The following CCDC39 variants were observed in gnomAD, a reference collection of about 807,000 sequenced individuals.
CCDC39 encodes coiled-coil domain-containing protein 39.
CCDC39 carries 113 observed loss-of-function variants against 121.0 expected under a neutral mutation model. The ratio of observed to expected loss-of-function variants is 0.93; its 90% CI spans 0.80 to 1.09. The LOEUF (loss-of-function observed/expected upper bound fraction) is 1.09. CCDC39 is among the 50% of genes least tolerant of loss of function. The pLI is 0.00. For synonymous variants in CCDC39, 349 were observed against 352.2 expected (o/e 0.99, Z 0.10); for missense variants, 1,063 against 1,074.7 (o/e 0.99, Z 0.15).
chr3:180,647,456 A>T (rs995500400), intron 10 of CCDC39, among the ~76,000 whole-genome samples: 6 of 152,122 alleles, frequency 3.9e-5, no homozygotes, highest in Non-Finnish European at 8.8e-5. Flanking sequence ...CATGATAGAC[A>T]CAGAAATAAT....
In CCDC39 at chr3:180,614,797, CAGTTTTTACACTTACCACTA is replaced by C. The variant is rs1717166479; in HGVS notation, c.*104_*123del. The C allele has an allele frequency of 5.4e-6, 4 of 738,634 alleles. No individual in the cohort carries two copies. The highest frequency in any genetic ancestry group is 3.7e-5 in the African/African-American group (2 of 54,098). The allele number at this position is 738,634 out of a possible 1,614,324, so 45.8% of individuals were successfully genotyped here. ...AACGTTCCTTTTTTTTTAAAACTAT[CAGTTTTTACACTTACCACTA>C]AGTTTTTACACTTTCCACTAGATAA... On this transcript the variant is annotated 3_prime_UTR_variant, in exon 20 of 20. Transcript: ENST00000476379.
chr3:180,647,057 A>G, intron 11 of CCDC39, 22 bp downstream of exon 11: 1 of 1,594,660 alleles, frequency 6.3e-7, no homozygotes, highest in Non-Finnish European at 8.5e-7. Context: ...TTGAAATATA[A>G]AATGTATTTT....
intron 12 of CCDC39, among the ~76,000 whole-genome samples, chr3:180,642,408 A>C (rs1161892139): frequency 6.6e-6 from 1 of 151,872 alleles, no homozygotes; most frequent in East Asian, 1.9e-4. Flanking sequence ...CTTTTTCATA[A>C]TTCAATTTTA....
At chr3:180,642,493 C>T (rs566842936) in intron 12 of CCDC39, among the ~76,000 whole-genome samples, 15 of 151,882 alleles carry the variant, frequency 9.9e-5, no homozygotes, top group Non-Finnish European at 1.9e-4. Context: ...ATCCAAAAAA[C>T]ATAAAGCCCT....
chr3:180,673,587 G>A (rs1407684965), intron 1 of CCDC39, among the ~76,000 whole-genome samples: 5 of 152,170 alleles, frequency 3.3e-5, no homozygotes, highest in Non-Finnish European at 1.5e-5. Context: ...ACTTTTACAT[G>A]CACTGTGTGA....
At chr3:180,649,602 G>C (rs1042829769) in intron 9 of CCDC39, among the ~76,000 whole-genome samples, 2 of 152,018 alleles carry the variant, frequency 1.3e-5, no homozygotes, top group Admixed American at 6.5e-5. Flanking sequence ...CCAATGCTTC[G>C]TGGTGAATAA....
chr3:180,628,510 G>A (rs533441579), intron 14 of CCDC39, among the ~76,000 whole-genome samples: 2 of 152,156 alleles, frequency 1.3e-5, no homozygotes, highest in African/African-American at 4.8e-5. Context: ...CCTGGCCTGA[G>A]ACATATATTT....
chr3:180,633,199 C>T (rs1355313083), intron 13 of CCDC39, among the ~76,000 whole-genome samples: 2 of 152,204 alleles, frequency 1.3e-5, no homozygotes, highest in African/African-American at 2.4e-5. Context: ...CAGAGATCCA[C>T]TTAATTGCAG....
intron 15 of CCDC39, 139 bp from the exon 16 acceptor site, chr3:180,619,504 G>A (rs892597905): frequency 7.7e-5 from 48 of 622,644 alleles, no homozygotes; most frequent in Admixed American, 1.2e-4. Flanking sequence ...AACACTATGG[G>A]CATGTAGTAG....
At chr3:180,616,151 T>G in intron 19 of CCDC39, 130 bp downstream of exon 19, 1 of 738,946 alleles carries the variant, frequency 1.4e-6, no homozygotes, top group Non-Finnish European at 2.4e-6. Context: ...GTGAGATGTC[T>G]GACAGTGAAA....
intron 14 of CCDC39, among the ~76,000 whole-genome samples, chr3:180,627,778 G>A (rs1160591348): frequency 6.6e-6 from 1 of 152,100 alleles, no homozygotes; most frequent in Non-Finnish European, 1.5e-5. Context: ...AAAGACCAAA[G>A]ACAGGAGCTT....
intron 1 of CCDC39, among the ~76,000 whole-genome samples, chr3:180,675,538 G>T (rs1712172302): frequency 6.6e-6 from 1 of 152,016 alleles, no homozygotes; most frequent in African/African-American, 2.4e-5. Context: ...GACTGTGTTT[G>T]CTCTTGCTTC....
intron 13 of CCDC39, among the ~76,000 whole-genome samples, chr3:180,638,582 G>A (rs528444748): frequency 1.3e-5 from 2 of 151,872 alleles, no homozygotes; most frequent in Admixed American, 1.3e-4. Context: ...TTTTAAAAAA[G>A]TAAAGACATA....
intron 14 of CCDC39, among the ~76,000 whole-genome samples, chr3:180,630,491 A>G (rs1035451061): frequency 6.6e-6 from 1 of 152,150 alleles, no homozygotes; most frequent in Non-Finnish European, 1.5e-5. Flanking sequence ...TCAAAGGGAG[A>G]GAGCATCCAC....
intron 14 of CCDC39, among the ~76,000 whole-genome samples, chr3:180,625,231 T>G (rs1717529892): frequency 6.6e-6 from 1 of 152,112 alleles, no homozygotes; most frequent in African/African-American, 2.4e-5. Flanking sequence ...TTATTCTTTT[T>G]TTTTTAATTT....
chr3:180,678,053 C>A (rs768207480), intron 1 of CCDC39, among the ~76,000 whole-genome samples: 6 of 151,940 alleles, frequency 3.9e-5, no homozygotes, highest in Non-Finnish European at 2.9e-5. Flanking sequence ...AATACTAAAA[C>A]CTAAAATTTG....
intron 19 of CCDC39, 32 bp downstream of exon 19, chr3:180,616,249 T>C (rs1163202114): frequency 6.3e-7 from 1 of 1,596,262 alleles, no homozygotes; most frequent in Non-Finnish European, 8.6e-7. Flanking sequence ...GCTGTGAGAG[T>C]TAAGCAGATT....
intron 6 of CCDC39, among the ~76,000 whole-genome samples, chr3:180,658,266 A>T (rs1341061461): frequency 2.7e-5 from 4 of 147,236 alleles, no homozygotes; most frequent in South Asian, 2.2e-4. Context: ...ATCAGCATTA[A>T]TTAAAAGAAC....
At chr3:180,639,453 G>A (rs1717904674) in intron 13 of CCDC39, among the ~76,000 whole-genome samples, 1 of 152,040 alleles carries the variant, frequency 6.6e-6, no homozygotes, top group Non-Finnish European at 1.5e-5. Flanking sequence ...GCCACAAAAA[G>A]GAACAAAATC....
Sources: allele counts gnomAD v4.1 joint callset (sites outside exome capture counted in the v4.1 genomes callset), GRCh38; gene constraint gnomAD v4.1.1; transcripts MANE v1.5; gene names NCBI Gene and HGNC (gene_info 2026-07-23, HGNC 2026-07-21).